DLG2: variants seen among roughly 807,000 people sequenced by gnomAD.
DLG2 encodes disks large homolog 2.
Under a neutral mutation model 132.5 loss-of-function variants are expected in DLG2, and 45 were observed. The observed-to-expected ratio is 0.34, with a 90% CI of 0.27 to 0.44. The LOEUF is 0.44. Ranked by LOEUF, DLG2 falls within the 20% of genes least tolerant of loss-of-function variation. DLG2 has a pLI of 1.00. For synonymous variants in DLG2, 424 were observed against 419.6 expected (o/e 1.01, Z -0.13); for missense variants, 1,045 against 1,196.9 (o/e 0.87, Z 1.87).
rs117687156 is a variant in DLG2 at position 83,586,933 on chromosome 11, T to C, written c.1941-45075A>G. The stretch of plus-strand genomic sequence containing the variant: ...AAAATCGAAGTTGGTAGCAGAGCAA[T>C]GGCCACAGAAGCTATTTTCCTTGAC... On this transcript the variant is annotated intron_variant, in intron 19 of 27. Coordinates refer to ENST00000376104, the MANE Select transcript of DLG2 (RefSeq NM_001142699.3). Among the ~76,000 whole-genome samples the C allele has an allele frequency of 4.6e-5, 7 of 152,332 alleles. 1 individual carries two copies. The South Asian group carries it at 1.4e-3, about 32-fold the overall frequency.
intron 14 of DLG2, among the ~76,000 whole-genome samples, chr11:83,936,391 C>T (rs1011028077): frequency 7.2e-5 from 11 of 152,188 alleles, no homozygotes; most frequent in South Asian, 4.1e-4. Context: ...CCAACTCTAA[C>T]GCCCGATTTG....
chr11:84,333,480 C>T (rs182194004), intron 7 of DLG2, among the ~76,000 whole-genome samples: 1 of 152,304 alleles, frequency 6.6e-6, no homozygotes, highest in Admixed American at 6.5e-5. Context: ...CAGAAAAGAG[C>T]TGGCCCCTTT....
chr11:84,744,287 A>T (rs1347189437), intron 6 of DLG2, among the ~76,000 whole-genome samples: 2 of 152,226 alleles, frequency 1.3e-5, no homozygotes, highest in Non-Finnish European at 2.9e-5. Context: ...TATACATAGA[A>T]ATACCTTAGA....
At chr11:84,374,438 A>G (rs949223003) in intron 7 of DLG2, among the ~76,000 whole-genome samples, 1 of 152,168 alleles carries the variant, frequency 6.6e-6, no homozygotes, top group South Asian at 2.1e-4. Context: ...GCAGTCCAAC[A>G]TGAATTTGTA....
At position 83,592,423 on chromosome 11, in the gene DLG2, G is replaced by A. The variant is rs1185458148; in HGVS notation, c.1940+40788C>T. On this transcript the variant is annotated intron_variant, in intron 19 of 27. Transcript: ENST00000376104. ...TTCCCTATTTAATAAATGGTGCTGG[G>A]AAAACTGGCTAGCCATATGTAGAAA... Among the ~76,000 whole-genome samples the A allele has an allele frequency of 2.0e-5, 3 of 149,188 alleles. No individual in the cohort carries two copies. The East Asian group carries it at 6.0e-4, about 30-fold the overall frequency.
chr11:84,843,758 G>C (rs1171191436), intron 6 of DLG2, among the ~76,000 whole-genome samples: 1 of 151,778 alleles, frequency 6.6e-6, no homozygotes, highest in African/African-American at 2.4e-5. Context: ...AAGAAAAAAA[G>C]TCTATACATG....
At chr11:83,767,065 T>C (rs1034192258) in intron 18 of DLG2, among the ~76,000 whole-genome samples, 1 of 152,212 alleles carries the variant, frequency 6.6e-6, no homozygotes, top group African/African-American at 2.4e-5. Flanking sequence ...ATTAGGCACA[T>C]CCAGATAATC....
At chr11:84,802,995 T>A (rs1463301807) in intron 6 of DLG2, among the ~76,000 whole-genome samples, 2 of 152,092 alleles carry the variant, frequency 1.3e-5, no homozygotes, top group Non-Finnish European at 2.9e-5. Context: ...GAGACGGGTT[T>A]CACAGTGTTA....
intron 3 of DLG2, among the ~76,000 whole-genome samples, chr11:85,463,639 T>C (rs1475036089): frequency 6.6e-6 from 1 of 152,100 alleles, no homozygotes; most frequent in Non-Finnish European, 1.5e-5. Context: ...GGCATGGTTG[T>C]GTGCATCTAT....
intron 9 of DLG2, among the ~76,000 whole-genome samples, chr11:84,136,948 C>A (rs2094623968): frequency 6.6e-6 from 1 of 152,054 alleles, no homozygotes. Flanking sequence ...TTCAAGGGAA[C>A]CTCATGCCAA....
intron 5 of DLG2, among the ~76,000 whole-genome samples, chr11:85,150,699 A>AGTGTGTGTGTGTGTGTGTGT (rs71036459): frequency 1.6e-5 from 2 of 127,258 alleles, no homozygotes; most frequent in East Asian, 2.4e-4. Context: ...AAGGCTACAT[A>AGTGTGTGTGTGTGTGTGTGT]GTGTGTGTGT....
chr11:84,425,299 T>C (rs1210473477), intron 7 of DLG2, among the ~76,000 whole-genome samples: 1 of 152,130 alleles, frequency 6.6e-6, no homozygotes, highest in Non-Finnish European at 1.5e-5. Flanking sequence ...TCAGGACAAC[T>C]ACATAGGTGA....
At position 85,399,762 on chromosome 11, in the gene DLG2, C is replaced by T. The variant is rs563773148; in HGVS notation, c.41-114397G>A. On this transcript the variant is annotated intron_variant, in intron 3 of 27. Transcript: ENST00000376104. ...GCTGAAACTGGATCCCCTCCTTACA[C>T]CTTATACAAAAATTAATTCAAGATG... is the stretch of plus-strand genomic sequence containing the variant. Among the ~76,000 whole-genome samples, 41 of 152,246 alleles carry T rather than the reference C, an allele frequency of 2.7e-4. No individual in the cohort carries two copies. In the South Asian group the frequency reaches 2.9e-3, roughly 11 times the overall value.
Position 84,323,311 on chromosome 11 carries a change from G to A in DLG2, c.520-72020C>T, listed in dbSNP as rs199596695. Among the ~76,000 whole-genome samples the A allele has an allele frequency of 9.9e-5, 15 of 152,128 alleles. No individual in the cohort carries two copies. In the East Asian group the frequency reaches 1.9e-3, roughly 20 times the overall value. On this transcript the variant is annotated intron_variant, in intron 7 of 27. Transcript: ENST00000376104. ...ATAATACCATATTTGTCCTTCTATAGACTATTCCACTTAGCATATTGTCTT... is the reference window on the plus strand; with the variant it reads ...ATAATACCATATTTGTCCTTCTATAAACTATTCCACTTAGCATATTGTCTT...
At chr11:84,418,339 G>T (rs949730106) in intron 7 of DLG2, among the ~76,000 whole-genome samples, 2 of 152,162 alleles carry the variant, frequency 1.3e-5, no homozygotes, top group African/African-American at 4.8e-5. Context: ...CAGTGGAAAA[G>T]ATGATAAAAA....
intron 5 of DLG2, among the ~76,000 whole-genome samples, chr11:85,142,951 T>C (rs1020780210): frequency 5.3e-5 from 8 of 151,836 alleles, no homozygotes; most frequent in African/African-American, 1.9e-4. Flanking sequence ...TGAATTTGGT[T>C]TGTGAGTATT....
At chr11:84,886,682 C>T (rs111783245) in intron 6 of DLG2, among the ~76,000 whole-genome samples, 9 of 152,210 alleles carry the variant, frequency 5.9e-5, no homozygotes, top group African/African-American at 2.2e-4. Context: ...TGAAGCAGTT[C>T]ACTTGGTTGG....
chr11:84,601,361 T>C (rs767233064), intron 6 of DLG2, among the ~76,000 whole-genome samples: 1 of 152,142 alleles, frequency 6.6e-6, no homozygotes, highest in Non-Finnish European at 1.5e-5. Context: ...CCGTGGAAAC[T>C]ACAATTGTGA....
intron 7 of DLG2, among the ~76,000 whole-genome samples, chr11:84,520,152 A>G (rs1235235180): frequency 1.3e-5 from 2 of 152,158 alleles, no homozygotes; most frequent in East Asian, 3.9e-4. Flanking sequence ...GTTATTTAAA[A>G]CAAAAATTTT....
Sources: gnomAD v4.1 joint callset for allele counts (sites outside exome capture counted in the v4.1 genomes callset) on GRCh38, gnomAD v4.1.1 for gene constraint, MANE v1.5 for transcripts, NCBI Gene and HGNC (gene_info 2026-07-23, HGNC 2026-07-21) for gene names.